The following LRRK2 variants were observed in gnomAD, a reference collection of about 807,000 sequenced individuals.
LRRK2 encodes the protein leucine rich repeat kinase 2, also known as leucine-rich repeat serine/threonine-protein kinase 2.
LRRK2 carries 203 observed loss-of-function variants against 302.6 expected under a neutral mutation model. The ratio of observed to expected loss-of-function variants is 0.67; its 90% CI spans 0.60 to 0.75. The LOEUF (loss-of-function observed/expected upper bound fraction) is 0.75. LRRK2 is among the 30% of genes least tolerant of loss of function. LRRK2 has a pLI of 0.00. For missense variants in LRRK2, 2,830 were observed against 2,951.0 expected, an observed-to-expected ratio of 0.96 and a Z score of 0.95; for synonymous variants, 1,066 against 1,031.9, an observed-to-expected ratio of 1.03 and a Z score of -0.63.
chr12:40,366,952 G>A (rs1245024356), intron 49 of LRRK2, 54 bp from the exon 50 acceptor site: 2 of 1,357,066 alleles, frequency 1.5e-6, no homozygotes, highest in Non-Finnish European at 2.1e-6. Flanking sequence ...TTTTTTTCAG[G>A]CCAGTTTAAT....
At chr12:40,345,857 A>G (rs1473135303) in intron 41 of LRRK2, among the ~76,000 whole-genome samples, 4 of 152,132 alleles carry the variant, frequency 2.6e-5, no homozygotes, top group African/African-American at 9.7e-5. Context: ...TCATAATACC[A>G]TTATCACAGC....
chr12:40,300,946 G>A (rs1397968767), intron 25 of LRRK2: 3 of 470,794 alleles, frequency 6.4e-6, no homozygotes, highest in African/African-American at 4.0e-5. Context: ...CTTGTGTATG[G>A]TCAGTGTGTC....
At chr12:40,231,094 CT>C (rs2097604863) in intron 2 of LRRK2, among the ~76,000 whole-genome samples, 1 of 152,038 alleles carries the variant, frequency 6.6e-6, no homozygotes, top group Non-Finnish European at 1.5e-5. Context: ...TTTCTTGCCT[CT>C]ATTATTCTAG....
chr12:40,307,463 A>T (rs1374363589), intron 28 of LRRK2, among the ~76,000 whole-genome samples: 2 of 152,144 alleles, frequency 1.3e-5, no homozygotes, highest in Non-Finnish European at 2.9e-5. Flanking sequence ...CTTCTATTTC[A>T]TTCAGGTTTT....
At chr12:40,310,300 TTTC>T in intron 30 of LRRK2, 128 bp from the exon 31 acceptor site, 1 of 872,444 alleles carries the variant, frequency 1.1e-6, no homozygotes, top group Non-Finnish European at 1.9e-6. Flanking sequence ...CAGTTGTTCT[TTTC>T]TTCTTCTGAA....
chr12:40,262,209 T>C (rs1942801779), intron 13 of LRRK2, among the ~76,000 whole-genome samples: 1 of 152,170 alleles, frequency 6.6e-6, no homozygotes, highest in Admixed American at 6.6e-5. Flanking sequence ...TACTTACTTA[T>C]AACCAGTAAC....
chr12:40,287,552 A>C lies in LRRK2; in HGVS notation c.2689+13A>C. On this transcript the variant is annotated intron_variant, in intron 20 of 50. Coordinates refer to ENST00000298910, the MANE Select transcript of LRRK2 (RefSeq NM_198578.4). ...CTGGATAGTGAAGGTATTTATTATA[A>C]AAAAAAACCCTTTATGCTTTATATT... 6.2e-7 allele frequency: 1 copy of C among 1,610,280 alleles called. No homozygotes were observed. The highest frequency in any genetic ancestry group is 8.5e-7 in the Non-Finnish European group (1 of 1,177,700).
At position 40,322,585 on chromosome 12, in the gene LRRK2, A is replaced by C. The variant is rs890125812; in HGVS notation, c.5509+75A>C. On this transcript the variant is annotated intron_variant, in intron 37 of 50. Transcript: ENST00000298910. ...TATGAAGTGACTTTTAATAAATGTA[A>C]ATATTCTTATCCATAAGGGATGAGT... 2.9e-5 allele frequency: 38 copies of C among 1,331,044 alleles called. No homozygotes were observed. In the African/African-American group the frequency reaches 4.7e-4, roughly 16 times the overall value. The allele number at this position is 1,331,044 out of a possible 1,614,324, so 82.5% of individuals were successfully genotyped here.
intron 42 of LRRK2, among the ~76,000 whole-genome samples, chr12:40,347,455 T>A (rs778678318): frequency 6.6e-6 from 1 of 152,246 alleles, no homozygotes; most frequent in African/African-American, 2.4e-5. Flanking sequence ...AAATAACATT[T>A]TAAGTTTATT....
chr12:40,242,094 C>CA (rs1298330494), intron 6 of LRRK2, among the ~76,000 whole-genome samples: 1 of 152,006 alleles, frequency 6.6e-6, no homozygotes, highest in Non-Finnish European at 1.5e-5. Flanking sequence ...ATTCATAATG[C>CA]AAAAGTCAAG....
In LRRK2 at chr12:40,357,753, G is replaced by A. The variant is rs567978490; in HGVS notation, c.6844-1507G>A. On this transcript the variant is annotated intron_variant, in intron 46 of 50. Coordinates refer to ENST00000298910, the MANE Select transcript of LRRK2 (RefSeq NM_198578.4). ...CATTACTATGTCTTCTTTTGCAAATGTCTATTTAGATCCTTTGCCAACTTT... is the reference window on the plus strand; with the variant it reads ...CATTACTATGTCTTCTTTTGCAAATATCTATTTAGATCCTTTGCCAACTTT... Among the ~76,000 whole-genome samples, 3 of 152,088 alleles carry A rather than the reference G, an allele frequency of 2.0e-5. No individual in the cohort carries two copies. In the South Asian group the frequency reaches 6.2e-4, roughly 32 times the overall value.
intron 49 of LRRK2, chr12:40,366,673 A>G (rs1243027420): frequency 7.1e-6 from 2 of 279,952 alleles, no homozygotes; most frequent in Non-Finnish European, 1.4e-5. Context: ...ACCTTACCAT[A>G]TCCAAAGAAC....
chr12:40,250,870 G>GCA, intron 8 of LRRK2, among the ~76,000 whole-genome samples: 1 of 152,088 alleles, frequency 6.6e-6, no homozygotes, highest in South Asian at 2.1e-4. Flanking sequence ...AGTATTCCAT[G>GCA]GTATATATGT....
In LRRK2 at chr12:40,369,267, G is replaced by GT. The variant is rs1264667942; in HGVS notation, c.*1508dup. 6.6e-6 allele frequency: 1 copy of GT among 151,286 alleles called. No homozygotes were observed. The highest frequency in any genetic ancestry group is 1.9e-4 in the East Asian group (1 of 5,166). 9.4% of individuals were successfully genotyped at this position (151,286 alleles called of 1,614,324 possible). On this transcript the variant is annotated 3_prime_UTR_variant, in exon 51 of 51. Coordinates refer to ENST00000298910, the MANE Select transcript of LRRK2 (RefSeq NM_198578.4). ...ACCATATTTAAATGGAATAATAAAGGTTTTTTAAAAACTTTAAATGCTTTT... is the reference window on the plus strand; with the variant it reads ...ACCATATTTAAATGGAATAATAAAGGTTTTTTTAAAAACTTTAAATGCTTTT...
intron 25 of LRRK2, 43 bp downstream of exon 25, chr12:40,299,300 G>A: frequency 1.2e-6 from 2 of 1,607,624 alleles, no homozygotes; most frequent in Non-Finnish European, 1.7e-6. Flanking sequence ...GGCCCTCTAA[G>A]TTGTACAAGA....
chr12:40,273,582 C>G (rs1011118178), intron 14 of LRRK2, among the ~76,000 whole-genome samples: 1 of 152,136 alleles, frequency 6.6e-6, no homozygotes, highest in Admixed American at 6.6e-5. Flanking sequence ...TGGTCAAAGA[C>G]GTCTGGCTTG....
intron 44 of LRRK2, among the ~76,000 whole-genome samples, chr12:40,353,856 C>T (rs932968104): frequency 3.9e-5 from 6 of 152,226 alleles, no homozygotes; most frequent in South Asian, 4.1e-4. Flanking sequence ...TGGCGGCGCA[C>T]GCCTGCAATG....
In LRRK2 at chr12:40,237,103, G is replaced by A. The variant is rs142238241; in HGVS notation, c.437-866G>A. On this transcript the variant is annotated intron_variant, in intron 4 of 50. Transcript: ENST00000298910. ...TGTGACATGCAGTTAGTCCAAGTACGAAGAGATACCAAAAAAAAAATGTTT... is the reference window on the plus strand; with the variant it reads ...TGTGACATGCAGTTAGTCCAAGTACAAAGAGATACCAAAAAAAAAATGTTT... Among the ~76,000 whole-genome samples, 133 of 152,022 alleles carry A rather than the reference G, an allele frequency of 8.7e-4. 1 individual carries two copies. The highest frequency in any genetic ancestry group is 3.1e-3 in the African/African-American group (127 of 41,484).
intron 4 of LRRK2, 79 bp downstream of exon 4, chr12:40,235,793 G>GTTTTTTTTT (rs36024911): frequency 2.8e-5 from 13 of 464,406 alleles, no homozygotes; most frequent in East Asian, 8.7e-5. Context: ...GTGTGTGTGT[G>GTTTTTTTTT]TTTTTTTTTT....
Sources: allele counts gnomAD v4.1 joint callset (sites outside exome capture counted in the v4.1 genomes callset), GRCh38; gene constraint gnomAD v4.1.1; transcripts MANE v1.5; gene names NCBI Gene and HGNC (gene_info 2026-07-23, HGNC 2026-07-21).